SYT16: variants seen among roughly 807,000 people sequenced by gnomAD.
The protein encoded by SYT16 is synaptotagmin-16.
Under a neutral mutation model 61.4 loss-of-function variants are expected in SYT16, and 42 were observed. The ratio of observed to expected loss-of-function variants is 0.68; its 90% confidence interval spans 0.53 to 0.89. The LOEUF is 0.89. SYT16 is among the 40% of genes least tolerant of loss of function. SYT16 has a pLI of 0.00. For synonymous variants in SYT16, 314 were observed against 302.3 expected (o/e 1.04, Z -0.40); for missense variants, 804 against 807.3 (o/e 1.00, Z 0.05).
intron 1 of SYT16, among the ~76,000 whole-genome samples, chr14:61,916,448 AT>A (rs1436747847): frequency 6.6e-6 from 1 of 151,530 alleles, no homozygotes; most frequent in Admixed American, 6.6e-5. Flanking sequence ...CCTGCGATTT[AT>A]TTTTTTTATT....
At chr14:62,037,163 C>G (rs1254911) in intron 3 of SYT16, among the ~76,000 whole-genome samples, 79,436 of 151,868 alleles carry the variant, frequency 0.52, 21,061 homozygotes, top group Middle Eastern at 0.62. Context: ...AATCTGGTCC[C>G]CACTTGAAAT....
rs142808014 is a variant in SYT16, at chr14:61,963,028, A to G, written c.-324-7104A>G. Among the ~76,000 whole-genome samples the G allele has an allele frequency of 3.2e-3, 483 of 152,250 alleles. 1 individual carries two copies. Among genetic ancestry groups the G allele is most frequent in the African/African-American group, 0.011 (458 of 41,550 alleles). ...TAGGGTCAATTTCTAGAACTGCAAT[A>G]GTGTCCATGGAATAACTTAATCGAT... On this transcript the variant is annotated intron_variant, in intron 1 of 7. Coordinates refer to ENST00000683842, the MANE Select transcript of SYT16 (RefSeq NM_001367656.1).
intron 1 of SYT16, among the ~76,000 whole-genome samples, chr14:61,954,070 G>A (rs2050775322): frequency 6.6e-6 from 1 of 152,092 alleles, no homozygotes; most frequent in African/African-American, 2.4e-5. Flanking sequence ...ATCTATAAGT[G>A]GCATTTTAGA....
intron 1 of SYT16, among the ~76,000 whole-genome samples, chr14:61,864,529 T>C (rs2047071744): frequency 6.6e-6 from 1 of 152,226 alleles, no homozygotes; most frequent in Non-Finnish European, 1.5e-5. Context: ...GATTATGATG[T>C]GGTAGAGATG....
chr14:62,091,904 A>G (rs1452052448), intron 7 of SYT16, among the ~76,000 whole-genome samples: 1 of 152,162 alleles, frequency 6.6e-6, no homozygotes, highest in Non-Finnish European at 1.5e-5. Context: ...TAATAGAGTA[A>G]ACAGACCACC....
At chr14:62,029,261 T>C (rs2054218719) in intron 3 of SYT16, among the ~76,000 whole-genome samples, 1 of 152,190 alleles carries the variant, frequency 6.6e-6, no homozygotes, top group African/African-American at 2.4e-5. Flanking sequence ...CCTGAGTAGC[T>C]GGGATTAAAG....
rs1194907387 is a variant in SYT16, at chr14:62,105,656, T to G, written c.*4949T>G. The stretch of plus-strand genomic sequence containing the variant: ...ACTTGTTCTCAAGTGATTCAAACCT[T>G]GAGTAAAAAGGAGAGTTTCTGGAGA... On this transcript the variant is annotated 3_prime_UTR_variant, in exon 8 of 8. Coordinates refer to ENST00000683842, the MANE Select transcript of SYT16 (RefSeq NM_001367656.1). 2 of 152,170 alleles carry G rather than the reference T, an allele frequency of 1.3e-5. No individual in the cohort carries two copies. Among genetic ancestry groups the G allele is most frequent in the Admixed American group, 6.5e-5 (1 of 15,276 alleles). The allele number at this position is 152,170 out of a possible 1,614,324, so 9.4% of individuals were successfully genotyped here.
intron 1 of SYT16, chr14:61,864,836 C>T: frequency 1.9e-6 from 2 of 1,032,134 alleles, no homozygotes. Context: ...TGACGGTGGG[C>T]CTTGCTATCG....
intron 1 of SYT16, among the ~76,000 whole-genome samples, chr14:61,897,656 C>T (rs2048370437): frequency 6.6e-6 from 1 of 152,018 alleles, no homozygotes. Flanking sequence ...TCCTGCATAG[C>T]AAAAGACTCA....
chr14:62,005,332 G>T, intron 3 of SYT16, among the ~76,000 whole-genome samples: 1 of 152,094 alleles, frequency 6.6e-6, no homozygotes, highest in East Asian at 1.9e-4. Context: ...ACATTTTTGT[G>T]TTGCCAGCTT....
chr14:61,993,942 C>T (rs2052660984), intron 2 of SYT16, among the ~76,000 whole-genome samples: 1 of 152,120 alleles, frequency 6.6e-6, no homozygotes, highest in Non-Finnish European at 1.5e-5. Flanking sequence ...CAATCCCTGC[C>T]ATCCAGGGAG....
At chr14:61,928,149 A>G (rs899344376) in intron 1 of SYT16, among the ~76,000 whole-genome samples, 4 of 152,330 alleles carry the variant, frequency 2.6e-5, no homozygotes, top group Admixed American at 6.5e-5. Context: ...ATGGATCTGT[A>G]TCATACGAGT....
Position 62,104,893 on chromosome 14 carries a change from C to G in SYT16, c.*4186C>G, listed in dbSNP as rs993671756. 2.6e-5 allele frequency: 4 copies of G among 152,176 alleles called. No individual in the cohort carries two copies. The highest frequency in any genetic ancestry group is 4.4e-5 in the Non-Finnish European group (3 of 68,018). 9.4% of individuals were successfully genotyped at this position (152,176 alleles called of 1,614,324 possible). ...GTAATGTGCCTAGCATAGAGCCGGG[C>G]ATGTAGTTAGCATTCCGTAGTTCCT... On this transcript the variant is annotated 3_prime_UTR_variant, in exon 8 of 8. Coordinates refer to ENST00000683842, the MANE Select transcript of SYT16 (RefSeq NM_001367656.1).
At chr14:61,895,631 C>T (rs1470720334) in intron 1 of SYT16, among the ~76,000 whole-genome samples, 1 of 152,124 alleles carries the variant, frequency 6.6e-6, no homozygotes, top group African/African-American at 2.4e-5. Context: ...TACTGCTACC[C>T]CCACCACTAG....
chr14:62,076,892 A>G (rs2056516097), intron 5 of SYT16, among the ~76,000 whole-genome samples: 1 of 152,166 alleles, frequency 6.6e-6, no homozygotes, highest in African/African-American at 2.4e-5. Context: ...CTGGAGCTTT[A>G]ATAGAAGACT....
At chr14:61,886,912 C>CTTTTTTTA (rs2047930727) in intron 1 of SYT16, among the ~76,000 whole-genome samples, 24 of 101,872 alleles carry the variant, frequency 2.4e-4, no homozygotes, top group Non-Finnish European at 3.2e-4. Flanking sequence ...TTTTTTTTTT[C>CTTTTTTTA]CTTTTTATGG....
chr14:61,820,680 G>A (rs564489017), intron 1 of SYT16, among the ~76,000 whole-genome samples: 1 of 151,642 alleles, frequency 6.6e-6, no homozygotes, highest in South Asian at 2.1e-4. Context: ...CAGGGTTTCA[G>A]CCTGTTGGCC....
intron 1 of SYT16, among the ~76,000 whole-genome samples, chr14:61,906,301 G>A (rs1166028787): frequency 1.3e-5 from 2 of 152,070 alleles, no homozygotes; most frequent in East Asian, 3.9e-4. Context: ...ATGTTTTTTA[G>A]TAGCACAGTC....
At chr14:61,812,636 G>A (rs1848027232), upstream of SYT16, 2 of 146,024 alleles carry the variant, frequency 1.4e-5, no homozygotes, top group South Asian at 1.8e-4. Flanking sequence ...CTGGGCGCGG[G>A]GCGGCGCGGG....
Sources: gnomAD v4.1 joint callset for allele counts (sites outside exome capture counted in the v4.1 genomes callset) on GRCh38, gnomAD v4.1.1 for gene constraint, MANE v1.5 for transcripts, NCBI Gene and HGNC (gene_info 2026-07-23, HGNC 2026-07-21) for gene names.